The following PDE4D variants were observed in gnomAD, a reference collection of about 807,000 sequenced individuals.
PDE4D encodes the protein 3',5'-cyclic-AMP phosphodiesterase 4D.
PDE4D carries 24 observed loss-of-function variants against 87.4 expected under a neutral mutation model. The ratio of observed to expected loss-of-function variants is 0.27; its 90% CI spans 0.20 to 0.39. PDE4D has a LOEUF of 0.39. Among genes scored for constraint, PDE4D ranks in the 10% least tolerant of loss-of-function variants. The probability of loss-of-function intolerance (pLI) is 1.00; values close to 1 mark genes in which losing one functional copy is unlikely to be tolerated. For synonymous variants in PDE4D, 384 were observed against 383.2 expected, an observed-to-expected ratio of 1.00 and a Z score of -0.02; for missense variants, 714 against 1,041.0, an observed-to-expected ratio of 0.69 and a Z score of 4.32.
intron 1 of PDE4D, among the ~76,000 whole-genome samples, chr5:59,453,803 T>C (rs1442771878): frequency 6.6e-6 from 1 of 152,236 alleles, no homozygotes; most frequent in Non-Finnish European, 1.5e-5. Flanking sequence ...TAGGAAGTTA[T>C]CCAGAAGATC....
intron 1 of PDE4D, among the ~76,000 whole-genome samples, chr5:59,845,266 A>G (rs1010988453): frequency 6.6e-6 from 1 of 152,044 alleles, no homozygotes; most frequent in Admixed American, 6.6e-5. Flanking sequence ...AGCAATAGAA[A>G]ACCAATGCAT....
At chr5:59,567,029 T>C (rs189578505) in intron 1 of PDE4D, among the ~76,000 whole-genome samples, 50 of 152,328 alleles carry the variant, frequency 3.3e-4, no homozygotes, top group African/African-American at 1.2e-3. Flanking sequence ...ACATGTTTTC[T>C]ACATGAGCTT....
At chr5:60,050,468 T>C (rs776788490) in intron 2 of PDE4D, among the ~76,000 whole-genome samples, 20 of 152,196 alleles carry the variant, frequency 1.3e-4, no homozygotes, top group Non-Finnish European at 2.5e-4. Flanking sequence ...TAAAATCCTT[T>C]ACAGACAACC....
At chr5:59,219,064 G>C (rs1190776492) in intron 1 of PDE4D, among the ~76,000 whole-genome samples, 3 of 110,624 alleles carry the variant, frequency 2.7e-5, no homozygotes, top group Admixed American at 1.0e-4. Flanking sequence ...GGAGGGGGGA[G>C]GGATAGCACT....
intron 1 of PDE4D, among the ~76,000 whole-genome samples, chr5:59,771,972 T>C (rs1244081942): frequency 6.6e-6 from 1 of 152,212 alleles, no homozygotes; most frequent in African/African-American, 2.4e-5. Context: ...TGATTCAATT[T>C]CCTAATGCTT....
rs184539077 is a variant in PDE4D at position 59,132,994 on chromosome 5, T to C, written c.808+47601A>G. Among the ~76,000 whole-genome samples, 140 of 152,298 alleles carry C rather than the reference T, an allele frequency of 9.2e-4. 1 individual carries two copies. The highest frequency in any genetic ancestry group is 4.6e-4 in the Non-Finnish European group (31 of 68,016). Reference sequence around the variant, plus strand: ...TGACCAGTGTATGTCAAAGAATACATTGGGATAAAAAATTCTGCTTGTCCA... The same window carrying C: ...TGACCAGTGTATGTCAAAGAATACACTGGGATAAAAAATTCTGCTTGTCCA... On this transcript the variant is annotated intron_variant, in intron 5 of 14. Coordinates refer to ENST00000340635, the MANE Select transcript of PDE4D (RefSeq NM_001104631.2).
At chr5:59,489,231 C>T (rs1350384859) in intron 1 of PDE4D, among the ~76,000 whole-genome samples, 1 of 150,270 alleles carries the variant, frequency 6.7e-6, no homozygotes, top group Non-Finnish European at 1.5e-5. Flanking sequence ...CACCACTGCA[C>T]TCTAGCCTGG....
intron 1 of PDE4D, among the ~76,000 whole-genome samples, chr5:60,437,016 A>C (rs1044529151): frequency 6.6e-6 from 1 of 152,066 alleles, no homozygotes; most frequent in Non-Finnish European, 1.5e-5. Flanking sequence ...GTTCACACAT[A>C]TTCTGACTCG....
At chr5:59,691,840 C>A (rs1227401278) in intron 1 of PDE4D, among the ~76,000 whole-genome samples, 2 of 151,726 alleles carry the variant, frequency 1.3e-5, no homozygotes, top group Non-Finnish European at 2.9e-5. Flanking sequence ...TCCTTTCATT[C>A]AATAAATATT....
intron 1 of PDE4D, among the ~76,000 whole-genome samples, chr5:59,273,520 C>T (rs1028960490): frequency 1.3e-5 from 2 of 151,904 alleles, no homozygotes; most frequent in African/African-American, 4.8e-5. Context: ...TACCCTCAGG[C>T]CAAATTTTTT....
At chr5:60,258,926 T>C (rs1252039493) in intron 1 of PDE4D, among the ~76,000 whole-genome samples, 1 of 152,002 alleles carries the variant, frequency 6.6e-6, no homozygotes, top group Admixed American at 6.6e-5. Context: ...AAAAATTATC[T>C]TTGCAGGAAA....
At chr5:59,394,548 C>A (rs912477271) in intron 1 of PDE4D, among the ~76,000 whole-genome samples, 1 of 152,100 alleles carries the variant, frequency 6.6e-6, no homozygotes, top group South Asian at 2.1e-4. Context: ...GAAATGAACA[C>A]AAAAGTTAAT....
At position 60,154,795 on chromosome 5, in the gene PDE4D, T is replaced by C. The variant is rs181579556; in HGVS notation, c.42+30762A>G. Among the ~76,000 whole-genome samples, 93 of 152,312 alleles carry C rather than the reference T, an allele frequency of 6.1e-4. 1 individual carries two copies. Among genetic ancestry groups the C allele is most frequent in the African/African-American group, 2.2e-3 (92 of 41,568 alleles). The stretch of plus-strand genomic sequence containing the variant: ...GATTTCTAAAACCAAAACAATACTT[T>C]TGCCTGTTTTTGCACTTTGTTTAAA... On this transcript the variant is annotated intron_variant, in intron 2 of 16. Transcript: ENST00000502484.
chr5:59,471,411 TG>T (rs1802425367), intron 1 of PDE4D, among the ~76,000 whole-genome samples: 2 of 152,250 alleles, frequency 1.3e-5, no homozygotes, highest in Non-Finnish European at 2.9e-5. Context: ...CTAACAGTGC[TG>T]GTCAGGAGCT....
chr5:59,988,567 A>ATTCAC lies in PDE4D; in HGVS notation c.188_192dup (p.Ser65ValfsTer14). The ATTCAC allele has an allele frequency of 3.1e-6, 5 of 1,599,446 alleles. No homozygotes were observed. Among genetic ancestry groups the ATTCAC allele is most frequent in the Non-Finnish European group, 4.2e-6 (5 of 1,179,718 alleles). ...CTGGTTGGTCGTTGAATGTTCTCTGATTCACTTTTCAAGTCAGCTTGTTCC... is the reference window on the plus strand; with the variant it reads ...CTGGTTGGTCGTTGAATGTTCTCTGATTCACTTCACTTTTCAAGTCAGCTTGTTCC... On this transcript the variant is annotated frameshift_variant, in exon 3 of 17. Coordinates refer to the PDE4D transcript ENST00000502484. LOFTEE classifies it high-confidence loss of function.
intron 1 of PDE4D, among the ~76,000 whole-genome samples, chr5:59,789,072 C>G (rs1048501384): frequency 6.6e-6 from 1 of 152,134 alleles, no homozygotes; most frequent in African/African-American, 2.4e-5. Context: ...CTGAAGTAGA[C>G]AGCCACGCGT....
At chr5:59,422,600 C>T (rs1386577194) in intron 1 of PDE4D, among the ~76,000 whole-genome samples, 1 of 152,160 alleles carries the variant, frequency 6.6e-6, no homozygotes, top group East Asian at 1.9e-4. Flanking sequence ...CCATGAAAAA[C>T]TAAAAAGAAA....
chr5:59,197,222 T>C (rs926165426), intron 2 of PDE4D, among the ~76,000 whole-genome samples: 2 of 152,192 alleles, frequency 1.3e-5, no homozygotes, highest in African/African-American at 2.4e-5. Context: ...CATTTAATTT[T>C]CTCTTTGGTT....
intron 1 of PDE4D, among the ~76,000 whole-genome samples, chr5:59,610,672 T>C (rs1311548196): frequency 2.0e-5 from 3 of 152,128 alleles, no homozygotes; most frequent in Non-Finnish European, 2.9e-5. Context: ...ACATTTTGAG[T>C]ATATGCACAT....
Sources: gnomAD v4.1 joint callset for allele counts (sites outside exome capture counted in the v4.1 genomes callset) on GRCh38, gnomAD v4.1.1 for gene constraint, MANE v1.5 for transcripts, NCBI Gene and HGNC (gene_info 2026-07-23, HGNC 2026-07-21) for gene names.